The following EML5 variants were observed in gnomAD, a reference collection of about 807,000 sequenced individuals.
EML5 encodes echinoderm microtubule-associated protein-like 5.
EML5 carries 120 observed loss-of-function variants against 250.0 expected under a neutral mutation model. The observed-to-expected ratio is 0.48, with a 90% CI of 0.41 to 0.56. The LOEUF is 0.56. EML5 is among the 20% of genes least tolerant of loss of function. The probability of loss-of-function intolerance (pLI) is 0.00; values close to 1 mark genes in which losing one functional copy is unlikely to be tolerated. For synonymous variants in EML5, 771 were observed against 806.5 expected (o/e 0.96, Z 0.75); for missense variants, 2,006 against 2,437.6 (o/e 0.82, Z 3.73).
rs1372433290 is a variant in EML5 at position 88,714,950 on chromosome 14, T to A, written c.1433A>T (p.Tyr478Phe). The A allele has an allele frequency of 1.2e-6, 2 of 1,611,952 alleles. No homozygotes were observed. The highest frequency in any genetic ancestry group is 1.7e-6 in the Non-Finnish European group (2 of 1,178,962). The part of the protein sequence containing the change: ...TNDGNGKRLF[Y>F]RMPGGKEVTS... ...CTAGAAATTGTTACCTGGCATTCTA[T>A]AAAAAAGTCTTTTCCCATTTCCATC... The change falls in exon 9 of 44, where the codon TAT becomes TTT. Residue 478 changes from tyrosine to phenylalanine, a missense_variant. By Grantham distance (22) the Tyr-to-Phe change is conservative. Transcript: ENST00000554922.
chr14:88,642,815 A>T lies in EML5; in HGVS notation c.4237+78T>A, dbSNP rs972006570. 3.0e-5 allele frequency: 41 copies of T among 1,371,446 alleles called. No individual in the cohort carries two copies. In the South Asian group the frequency reaches 5.3e-4, roughly 18 times the overall value. The allele number at this position is 1,371,446 out of a possible 1,614,324, so 85.0% of individuals were successfully genotyped here. A position where few individuals can be genotyped will look rare whatever the true frequency, so the allele number is the denominator to read the frequency against. On this transcript the variant is annotated intron_variant, in intron 31 of 43. Transcript: ENST00000554922. ...ATTTCAATTACTATTTATAGCTTTAACAAAGATTTTAAGCTGCTAGATCAA... is the reference window on the plus strand; with the variant it reads ...ATTTCAATTACTATTTATAGCTTTATCAAAGATTTTAAGCTGCTAGATCAA...
At chr14:88,661,193 AT>A (rs1248239684) in intron 25 of EML5, among the ~76,000 whole-genome samples, 1 of 152,130 alleles carries the variant, frequency 6.6e-6, no homozygotes, top group Non-Finnish European at 1.5e-5. Flanking sequence ...GGCTCAAGCA[AT>A]CTTCCCACCT....
At chr14:88,730,419 C>T (rs2093737374) in intron 7 of EML5, among the ~76,000 whole-genome samples, 1 of 152,200 alleles carries the variant, frequency 6.6e-6, no homozygotes, top group South Asian at 2.1e-4. Flanking sequence ...AGGAAAGCTA[C>T]TTATTGGTAA....
At chr14:88,639,755 A>G (rs1163475820) in intron 31 of EML5, among the ~76,000 whole-genome samples, 1 of 151,878 alleles carries the variant, frequency 6.6e-6, no homozygotes, top group Non-Finnish European at 1.5e-5. Context: ...TATTTTTTGT[A>G]TTTTTAGTAG....
chr14:88,644,733 C>T (rs1039200705), intron 29 of EML5: 15 of 401,898 alleles, frequency 3.7e-5, no homozygotes, highest in South Asian at 2.5e-4. Context: ...TTTTTTGAGA[C>T]GGAGTCTCAC....
At chr14:88,754,888 C>T (rs2140384772) in intron 1 of EML5, among the ~76,000 whole-genome samples, 1 of 152,298 alleles carries the variant, frequency 6.6e-6, no homozygotes, top group East Asian at 1.9e-4. Flanking sequence ...ACTGCAACCT[C>T]CATCCCGCCA....
intron 2 of EML5, among the ~76,000 whole-genome samples, chr14:88,747,286 C>T (rs2094019267): frequency 6.6e-6 from 1 of 152,042 alleles, no homozygotes; most frequent in African/African-American, 2.4e-5. Flanking sequence ...GTGACTCACG[C>T]CTGTAATTCC....
chr14:88,672,190 T>C (rs1210176909), intron 21 of EML5, among the ~76,000 whole-genome samples: 2 of 151,584 alleles, frequency 1.3e-5, no homozygotes, highest in Non-Finnish European at 3.0e-5. Context: ...ACTGAAATCA[T>C]AACAGTCTCT....
chr14:88,757,639 C>A (rs1467220300), intron 1 of EML5, among the ~76,000 whole-genome samples: 2 of 151,906 alleles, frequency 1.3e-5, no homozygotes, highest in Non-Finnish European at 2.9e-5. Context: ...ATAAATAATC[C>A]AATTTTTCAA....
chr14:88,769,899 AAGAC>A (rs1036760674), intron 1 of EML5, among the ~76,000 whole-genome samples: 9 of 152,134 alleles, frequency 5.9e-5, no homozygotes, highest in African/African-American at 2.2e-4. Context: ...AGTAGACACA[AAGAC>A]AGTTCAGAAT....
chr14:88,792,567 C>T lies in EML5; in HGVS notation c.-64G>A, dbSNP rs1034866761. The T allele has an allele frequency of 2.5e-6, 3 of 1,212,836 alleles. No homozygotes were observed. The highest frequency in any genetic ancestry group is 7.1e-5 in the East Asian group (2 of 28,292). The allele number at this position is 1,212,836 out of a possible 1,614,324, so 75.1% of individuals were successfully genotyped here. On this transcript the variant is annotated 5_prime_UTR_variant, in exon 1 of 44. Transcript: ENST00000554922. The surrounding 1 kb of genome is among the most constrained non-coding windows in gnomAD (Gnocchi z 6.9). ...GCGGCGACGGGAGGCGGCGGCGGCC[C>T]GGCAACGAAAGCCCTCCCGCTGGCT...
At chr14:88,627,079 T>G (rs1048846035) in intron 34 of EML5, 33 bp from the exon 35 acceptor site, 15 of 1,603,192 alleles carry the variant, frequency 9.4e-6, no homozygotes, top group Non-Finnish European at 1.3e-5. Context: ...TCTAGGTTAT[T>G]ACAAGAACCA....
At chr14:88,640,412 C>T (rs1261107102) in intron 31 of EML5, among the ~76,000 whole-genome samples, 1 of 152,088 alleles carries the variant, frequency 6.6e-6, no homozygotes, top group African/African-American at 2.4e-5. Flanking sequence ...CAAAACCACA[C>T]AATTACGTAA....
At chr14:88,749,189 A>T (rs2094053722) in intron 2 of EML5, among the ~76,000 whole-genome samples, 1 of 152,162 alleles carries the variant, frequency 6.6e-6, no homozygotes. Context: ...CAGCCAGACA[A>T]AAAAGGACAA....
chr14:88,727,163 T>TA (rs2093678763), intron 7 of EML5, among the ~76,000 whole-genome samples: 1 of 152,198 alleles, frequency 6.6e-6, no homozygotes, highest in African/African-American at 2.4e-5. Context: ...CACTTTGCCT[T>TA]AAAAATGTAA....
rs370809285 is a variant in EML5, at chr14:88,694,315, C to T, written c.2531G>A (p.Arg844His). 53 of 1,578,692 alleles carry T rather than the reference C, an allele frequency of 3.4e-5. 1 individual carries two copies. Among genetic ancestry groups the T allele is most frequent in the Middle Eastern group, 1.7e-4 (1 of 6,010 alleles). ...AAGAAGCACTTTCTTACCTGCTTTA[C>T]GCCAAAATTTCATGTGTTTAATTCC... ...TAGIKHMKFW[R>H]KAGGGLIGRK... Residue 844 changes from arginine to histidine, a missense_variant, in exon 17 of 44, where the codon CGT becomes CAT. Physicochemically the swap from Arg to His is conservative, Grantham distance 29 (BLOSUM62 0). Around this residue, in one of 7 missense-constraint regions of EML5, gnomAD observed 1,375 missense variants for 1,590.3 expected, o/e 0.86. Coordinates refer to ENST00000554922, the MANE Select transcript of EML5 (RefSeq NM_183387.3).
intron 1 of EML5, among the ~76,000 whole-genome samples, chr14:88,771,194 G>C (rs975758958): frequency 6.6e-6 from 1 of 152,224 alleles, no homozygotes; most frequent in African/African-American, 2.4e-5. Context: ...GCTGGTAAAT[G>C]TGCATCCTTT....
At chr14:88,788,017 G>C (rs1207416236) in intron 1 of EML5, among the ~76,000 whole-genome samples, 1 of 152,118 alleles carries the variant, frequency 6.6e-6, no homozygotes, top group East Asian at 1.9e-4. Context: ...TTGTGCGTTT[G>C]AGCAAAAGGC....
intron 19 of EML5, among the ~76,000 whole-genome samples, 173 bp downstream of exon 19, chr14:88,687,041 CTT>C (rs1316027960): frequency 6.6e-6 from 1 of 152,152 alleles, no homozygotes; most frequent in Non-Finnish European, 1.5e-5. Context: ...AGAAAATAGA[CTT>C]TTGAAAAGAT....
Sources: allele counts gnomAD v4.1 joint callset (sites outside exome capture counted in the v4.1 genomes callset), GRCh38; gene constraint gnomAD v4.1.1; regional missense constraint gnomAD v4.1.1; non-coding constraint Gnocchi (gnomAD v3.1); transcripts MANE v1.5; gene names NCBI Gene and HGNC (gene_info 2026-07-23, HGNC 2026-07-21).